Variants in BORCS5 observed in about 807,000 individuals in gnomAD.
BORCS5 encodes the protein BLOC-1 related complex subunit 5.
In BORCS5, 17 loss-of-function variants were observed where a neutral mutation model predicts 22.1. The observed-to-expected ratio is 0.77, with a 90% CI of 0.53 to 1.15. The LOEUF (loss-of-function observed/expected upper bound fraction) is 1.15, where lower values mean the gene tolerates loss of function less well. BORCS5 is among the 50% of genes most tolerant of loss of function. The pLI, the probability that BORCS5 is intolerant of heterozygous loss-of-function variation, is 0.00. For synonymous variants in BORCS5, 117 were observed against 99.8 expected (o/e 1.17, Z -1.03); for missense variants, 247 against 253.2 (o/e 0.98, Z 0.17).
chr12:12,362,278 T>C (rs1863303450), intron 2 of BORCS5, among the ~76,000 whole-genome samples: 1 of 152,226 alleles, frequency 6.6e-6, no homozygotes, highest in Admixed American at 6.5e-5. Flanking sequence ...ACCTTCTTCA[T>C]TGATGTCAAA....
Position 12,357,142 on chromosome 12 carries a change from C to G in BORCS5, c.-310C>G. On this transcript the variant is annotated 5_prime_UTR_variant, in exon 1 of 4. Transcript: ENST00000314565. ...CAGTGAGTGAAAGCGGCGCCGCCCG[C>G]CGGCCGCAGGTGCGGCAAAGCCAGT... 1 of 1,533,452 alleles carries G rather than the reference C, an allele frequency of 6.5e-7. No homozygotes were observed. The allele number at this position is 1,533,452 out of a possible 1,614,324, so 95.0% of individuals were successfully genotyped here.
chr12:12,453,579 A>G (rs963710577), intron 3 of BORCS5, among the ~76,000 whole-genome samples: 28 of 152,310 alleles, frequency 1.8e-4, no homozygotes, highest in African/African-American at 6.7e-4. Flanking sequence ...TTCTGAGTCC[A>G]AGTCAGATTT....
At chr12:12,444,478 C>G in intron 3 of BORCS5, among the ~76,000 whole-genome samples, 1 of 152,166 alleles carries the variant, frequency 6.6e-6, no homozygotes, top group East Asian at 1.9e-4. Context: ...GAGGTTCTTA[C>G]GGGCCAAACC....
chr12:12,359,035 A>C (rs1027382048), intron 1 of BORCS5, among the ~76,000 whole-genome samples: 2 of 152,172 alleles, frequency 1.3e-5, no homozygotes, highest in Non-Finnish European at 2.9e-5. Context: ...AGAGCATAAA[A>C]CACTTTAAAG....
chr12:12,440,618 A>AC (rs1430481388), intron 3 of BORCS5, among the ~76,000 whole-genome samples: 5 of 151,668 alleles, frequency 3.3e-5, no homozygotes, highest in South Asian at 4.2e-4. Context: ...AAAAAAAAAA[A>AC]AACCAGGATT....
At position 12,377,704 on chromosome 12, in the gene BORCS5, C is replaced by A. The variant is rs1462428407; in HGVS notation, c.202+16355C>A. Among the ~76,000 whole-genome samples, 10 of 152,252 alleles carry A rather than the reference C, an allele frequency of 6.6e-5. No individual in the cohort carries two copies. The East Asian group carries it at 1.7e-3, about 26-fold the overall frequency. ...ATGTAAACCAAATGAGTAGTGCATTCACTAGCTTCTGTAGTATTTCAGGGG... is the reference window on the plus strand; with the variant it reads ...ATGTAAACCAAATGAGTAGTGCATTAACTAGCTTCTGTAGTATTTCAGGGG... On this transcript the variant is annotated intron_variant, in intron 2 of 3. Transcript: ENST00000314565.
intron 2 of BORCS5, among the ~76,000 whole-genome samples, chr12:12,431,210 C>T (rs983242269): frequency 1.3e-5 from 2 of 152,168 alleles, no homozygotes; most frequent in African/African-American, 2.4e-5. Flanking sequence ...CTCACAGCTC[C>T]ACCTACAAAG....
intron 3 of BORCS5, among the ~76,000 whole-genome samples, chr12:12,444,195 A>G (rs564159615): frequency 1.3e-4 from 20 of 152,368 alleles, no homozygotes; most frequent in Non-Finnish European, 2.5e-4. Flanking sequence ...TTCTCATTCT[A>G]TCAGAGAAAA....
At chr12:12,422,789 G>T (rs1942169325) in intron 2 of BORCS5, among the ~76,000 whole-genome samples, 1 of 151,930 alleles carries the variant, frequency 6.6e-6, no homozygotes, top group African/African-American at 2.4e-5. Flanking sequence ...CTTTTTTAAT[G>T]CAGTAATCTC....
chr12:12,455,380 A>C (rs1436358428), intron 3 of BORCS5, among the ~76,000 whole-genome samples: 1 of 152,230 alleles, frequency 6.6e-6, no homozygotes, highest in African/African-American at 2.4e-5. Context: ...TGAGATATCT[A>C]TTGAGATCAA....
intron 3 of BORCS5, among the ~76,000 whole-genome samples, chr12:12,461,590 C>T (rs1214195977): frequency 6.6e-6 from 1 of 152,200 alleles, no homozygotes; most frequent in African/African-American, 2.4e-5. Context: ...TCCTCTTACA[C>T]ATAAACATCC....
At chr12:12,428,354 A>G (rs1306592914) in intron 2 of BORCS5, among the ~76,000 whole-genome samples, 1 of 152,210 alleles carries the variant, frequency 6.6e-6, no homozygotes, top group African/African-American at 2.4e-5. Flanking sequence ...GTAGGTACAG[A>G]TGGTAGTTTG....
chr12:12,466,901 A>G lies in BORCS5; in HGVS notation c.*1125A>G, dbSNP rs904603454. 6.6e-6 allele frequency: 1 copy of G among 152,220 alleles called. No individual in the cohort carries two copies. The highest frequency in any genetic ancestry group is 6.5e-5 in the Admixed American group (1 of 15,274). The allele number at this position is 152,220 out of a possible 1,614,324, so 9.4% of individuals were successfully genotyped here. ...CACAAGATTAAAATTGATGCGCTTAATTTAATGTATCTTGGCTAAACTTGA... is the reference window on the plus strand; with the variant it reads ...CACAAGATTAAAATTGATGCGCTTAGTTTAATGTATCTTGGCTAAACTTGA... On this transcript the variant is annotated 3_prime_UTR_variant, in exon 4 of 4. Coordinates refer to ENST00000314565, the MANE Select transcript of BORCS5 (RefSeq NM_058169.6).
At chr12:12,418,214 T>G (rs149243725) in intron 2 of BORCS5, among the ~76,000 whole-genome samples, 7 of 140,714 alleles carry the variant, frequency 5.0e-5, no homozygotes, top group Non-Finnish European at 9.7e-5. Flanking sequence ...TTTTTTTTTG[T>G]TTTTTTAGTG....
At chr12:12,453,593 G>T (rs11054917) in intron 3 of BORCS5, among the ~76,000 whole-genome samples, 38,796 of 152,088 alleles carry the variant, frequency 0.26, 5,450 homozygotes, top group Admixed American at 0.32. Flanking sequence ...CAGATTTAAA[G>T]AATAACCATG....
rs557351802 is a variant in BORCS5 at position 12,422,293 on chromosome 12, T to A, written c.203-13335T>A. ...CTTAGCTTTCTTTTCTTTTATTTTT[T>A]TTTTTAAGTGAAAACAAGTTTATTA... is the stretch of plus-strand genomic sequence containing the variant. On this transcript the variant is annotated intron_variant, in intron 2 of 3. Coordinates refer to ENST00000314565, the MANE Select transcript of BORCS5 (RefSeq NM_058169.6). 1.4e-4 allele frequency among the ~76,000 whole-genome samples: 22 copies of A among 152,264 alleles called. No homozygotes were observed. In the East Asian group the frequency reaches 3.5e-3, roughly 24 times the overall value.
chr12:12,442,604 C>G (rs1273914792), intron 3 of BORCS5, among the ~76,000 whole-genome samples: 3 of 152,164 alleles, frequency 2.0e-5, no homozygotes, highest in African/African-American at 2.4e-5. Flanking sequence ...TAAGGTTTCT[C>G]TAATTTAGCC....
chr12:12,359,982 TAAAGAG>T (rs1235924509), intron 1 of BORCS5, among the ~76,000 whole-genome samples: 7 of 152,014 alleles, frequency 4.6e-5, no homozygotes, highest in Non-Finnish European at 7.4e-5. Context: ...GCAGGAGAAT[TAAAGAG>T]AAAGTAAAAA....
At chr12:12,408,196 C>T (rs539201508) in intron 2 of BORCS5, among the ~76,000 whole-genome samples, 1 of 152,282 alleles carries the variant, frequency 6.6e-6, no homozygotes, top group East Asian at 1.9e-4. Context: ...TTTATCCTTT[C>T]ATCCATTGAT....
Sources: gnomAD v4.1 joint callset for allele counts (sites outside exome capture counted in the v4.1 genomes callset) on GRCh38, gnomAD v4.1.1 for gene constraint, MANE v1.5 for transcripts, NCBI Gene and HGNC (gene_info 2026-07-23, HGNC 2026-07-21) for gene names.